The following FREM1 variants were observed in gnomAD, a reference collection of about 807,000 sequenced individuals.
FREM1 encodes the protein FRAS1 related extracellular matrix 1, also known as FRAS1-related extracellular matrix protein 1.
In FREM1, 220 loss-of-function variants were observed where a neutral mutation model predicts 210.1. The observed-to-expected ratio is 1.05, with a 90% CI of 0.94 to 1.17. The LOEUF (loss-of-function observed/expected upper bound fraction) is 1.17, where lower values mean the gene tolerates loss of function less well. Ranked by LOEUF, FREM1 falls within the 50% of genes most tolerant of loss-of-function variation. The pLI, the probability that FREM1 is intolerant of heterozygous loss-of-function variation, is 0.00. For synonymous variants in FREM1, 1,189 were observed against 980.2 expected (o/e 1.21, Z -3.98); for missense variants, 3,454 against 2,675.5 (o/e 1.29, Z -6.42).
chr9:14,795,427 T>C (rs1419603720), intron 21 of FREM1, among the ~76,000 whole-genome samples: 1 of 151,980 alleles, frequency 6.6e-6, no homozygotes, highest in Non-Finnish European at 1.5e-5. Context: ...ACAGAGGAAA[T>C]GAAAAGGGAG....
At chr9:14,826,787 A>ATCCCTTTCGC (rs1822536705) in intron 10 of FREM1, among the ~76,000 whole-genome samples, 1 of 152,166 alleles carries the variant, frequency 6.6e-6, no homozygotes, top group Non-Finnish European at 1.5e-5. Flanking sequence ...TTCATCTTCT[A>ATCCCTTTCGC]TCCCTTTCGC....
intron 22 of FREM1, chr9:14,790,974 G>C (rs1587994812): frequency 6.6e-6 from 1 of 152,138 alleles, no homozygotes; most frequent in Non-Finnish European, 1.5e-5. Flanking sequence ...ATTCTCTATG[G>C]TGCCTACAAT....
Position 14,769,748 on chromosome 9 carries a change from G to A in FREM1, c.5180C>T (p.Thr1727Ile). 3.1e-6 allele frequency: 5 copies of A among 1,612,452 alleles called. No homozygotes were observed. The South Asian group carries it at 5.5e-5, about 18-fold the overall frequency. ...DTVEFQIMDP[T>I]GNSATPQILE... ...CATTTGAGGAGTGGCCGAGTTCCCT[G>A]TGGGGTCCATGATTTGAAATTCCAC... The change falls in exon 27 of 37, where the codon ACA (threonine) becomes ATA (isoleucine). Residue 1727 changes from threonine (T) to isoleucine (I), a missense_variant. Physicochemically the swap from Thr to Ile is moderately conservative, Grantham distance 89. Transcript: ENST00000380880.
rs371098943 is a variant in FREM1, at chr9:14,812,834, C to T, written c.2871G>A (p.Glu957=). ...DQFSQRDVIS[E]AVTYKHTGGE... ...TACCTGTGTGTTTGTATGTCACGGC[C>T]TCTGAGATAACATCTCTCTGAGAGA... Residue 957 remains glutamate (E), a synonymous_variant, in exon 16 of 37, where the codon GAG becomes GAA. Transcript: ENST00000380880. 6.2e-7 allele frequency: 1 copy of T among 1,612,344 alleles called. No homozygotes were observed. Among genetic ancestry groups the T allele is most frequent in the Non-Finnish European group, 8.5e-7 (1 of 1,178,850 alleles).
intron 21 of FREM1, among the ~76,000 whole-genome samples, chr9:14,794,306 T>C (rs1851948723): frequency 6.6e-6 from 1 of 152,208 alleles, no homozygotes; most frequent in African/African-American, 2.4e-5. Context: ...CTGGGTATCT[T>C]GAGGAACCAC....
chr9:14,886,428 G>T (rs1455722231), intron 1 of FREM1, among the ~76,000 whole-genome samples: 1 of 139,400 alleles, frequency 7.2e-6, no homozygotes, highest in Admixed American at 7.2e-5. Flanking sequence ...AATAAAATAC[G>T]CTAACAGAGA....
chr9:14,803,978 G>C (rs1348431196), intron 19 of FREM1, among the ~76,000 whole-genome samples: 1 of 152,072 alleles, frequency 6.6e-6, no homozygotes, highest in Non-Finnish European at 1.5e-5. Flanking sequence ...ACGTGTGGTT[G>C]TTTCTTGCAG....
At chr9:14,792,272 G>GCACACA (rs34037291) in intron 22 of FREM1, among the ~76,000 whole-genome samples, 2,424 of 142,208 alleles carry the variant, frequency 0.017, 45 homozygotes, top group African/African-American at 0.049. Flanking sequence ...ACACACACAC[G>GCACACA]CACACACACA....
chr9:14,841,987 T>C (rs887374252), intron 9 of FREM1, among the ~76,000 whole-genome samples: 3 of 152,188 alleles, frequency 2.0e-5, no homozygotes, highest in Non-Finnish European at 4.4e-5. Context: ...AAATTATCAA[T>C]AATCTAGAAT....
intron 19 of FREM1, among the ~76,000 whole-genome samples, chr9:14,803,521 C>T (rs1817752446): frequency 6.6e-6 from 1 of 151,876 alleles, no homozygotes; most frequent in African/African-American, 2.4e-5. Flanking sequence ...ACCAGCCTGG[C>T]TAATTTTTAA....
At chr9:14,876,158 A>G (rs7867272) in intron 1 of FREM1, among the ~76,000 whole-genome samples, 7,033 of 151,504 alleles carry the variant, frequency 0.046, 454 homozygotes, top group African/African-American at 0.15. Context: ...CAGTCTGCCC[A>G]TTCTCAGATC....
At chr9:14,835,725 C>T (rs1025318085) in intron 10 of FREM1, among the ~76,000 whole-genome samples, 1 of 152,174 alleles carries the variant, frequency 6.6e-6, no homozygotes, top group Non-Finnish European at 1.5e-5. Context: ...CAAAGCCAAT[C>T]CAAAAGGCCT....
chr9:14,870,778 A>G (rs567368252), intron 1 of FREM1, among the ~76,000 whole-genome samples: 4 of 148,586 alleles, frequency 2.7e-5, no homozygotes, highest in Non-Finnish European at 4.5e-5. Flanking sequence ...AGCATTAGGT[A>G]TATCTCCTAA....
At chr9:14,763,231 AATG>A (rs1366187284) in intron 27 of FREM1, among the ~76,000 whole-genome samples, 28 of 152,128 alleles carry the variant, frequency 1.8e-4, no homozygotes, top group Admixed American at 1.4e-3. Context: ...CCTGTGTGGG[AATG>A]ATGTTTAGCA....
intron 1 of FREM1, among the ~76,000 whole-genome samples, chr9:14,892,133 A>G (rs1333282355): frequency 1.3e-5 from 2 of 151,888 alleles, no homozygotes; most frequent in Non-Finnish European, 2.9e-5. Flanking sequence ...CTGGATTGGG[A>G]CCCCTTTCCT....
At position 14,842,544 on chromosome 9, in the gene FREM1, G is replaced by T. The variant is rs1377396869; in HGVS notation, c.1510C>A (p.His504Asn). ...FVVFRIFDGHHSIRHKFPINV... is the reference protein window; with the variant it reads ...FVVFRIFDGHNSIRHKFPINV... ...ATGGGGAATTTGTGACGGATGCTGTGATGGCCATCAAATATCCGGAAGACC... is the reference window on the plus strand; with the variant it reads ...ATGGGGAATTTGTGACGGATGCTGTTATGGCCATCAAATATCCGGAAGACC... The change falls in exon 9 of 37, where the codon CAC (histidine) becomes AAC (asparagine). Residue 504 changes from histidine to asparagine, a missense_variant. By Grantham distance (68) the His-to-Asn change is moderately conservative (BLOSUM62 1). Coordinates refer to ENST00000380880, the MANE Select transcript of FREM1 (RefSeq NM_001379081.2). 1 of 1,613,760 alleles carries T rather than the reference G, an allele frequency of 6.2e-7. No homozygotes were observed. Among genetic ancestry groups the T allele is most frequent in the East Asian group, 2.2e-5 (1 of 44,896 alleles).
intron 23 of FREM1, among the ~76,000 whole-genome samples, chr9:14,786,366 C>A (rs1029525349): frequency 6.6e-6 from 1 of 152,086 alleles, no homozygotes; most frequent in African/African-American, 2.4e-5. Context: ...AAGAAAAACA[C>A]GTGATGTAAA....
chr9:14,879,157 CAAAAAA>C (rs78563904), intron 1 of FREM1, among the ~76,000 whole-genome samples: 3 of 104,446 alleles, frequency 2.9e-5, no homozygotes, highest in African/African-American at 9.3e-5. Context: ...GATTCCGTCT[CAAAAAA>C]AAAAAAAAAA....
intron 34 of FREM1, 26 bp from the exon 35 acceptor site, chr9:14,746,494 A>G (rs754219191): frequency 6.4e-7 from 1 of 1,553,564 alleles, no homozygotes; most frequent in South Asian, 1.1e-5. Flanking sequence ...CTGTGTTCAT[A>G]TCATAATGGT....
Sources: allele counts gnomAD v4.1 joint callset (sites outside exome capture counted in the v4.1 genomes callset), GRCh38; gene constraint gnomAD v4.1.1; transcripts MANE v1.5; gene names NCBI Gene and HGNC (gene_info 2026-07-23, HGNC 2026-07-21).